CCDC32: variants seen among roughly 807,000 people sequenced by gnomAD.
CCDC32 encodes the protein coiled-coil domain containing 32, also known as coiled-coil domain-containing protein 32.
A neutral mutation model predicts 20.1 loss-of-function variants in CCDC32; 9 were observed. That is an observed-to-expected ratio of 0.45 (90% CI 0.27 to 0.78). The LOEUF (loss-of-function observed/expected upper bound fraction) is 0.78. CCDC32 is among the 30% of genes least tolerant of loss of function. CCDC32 has a pLI of 0.16. For synonymous variants in CCDC32, 63 were observed against 79.0 expected (o/e 0.80, Z 1.07); for missense variants, 204 against 215.5 (o/e 0.95, Z 0.33).
chr15:40,539,655 C>G (rs1001500058), intron 3 of CCDC32, among the ~76,000 whole-genome samples: 1 of 152,180 alleles, frequency 6.6e-6, no homozygotes, highest in Non-Finnish European at 1.5e-5. Context: ...GCAGTCAGCT[C>G]TCCGCTGCCC....
chr15:40,559,534 G>A (rs979510206), intron 2 of CCDC32, among the ~76,000 whole-genome samples: 2 of 152,068 alleles, frequency 1.3e-5, no homozygotes, highest in Non-Finnish European at 1.5e-5. Context: ...TCATCCCCTA[G>A]GCCATGGCTG....
At chr15:40,536,664 C>T (rs1317334393), downstream of CCDC32, 1 of 152,290 alleles carries the variant, frequency 6.6e-6, no homozygotes, top group Admixed American at 6.5e-5. Flanking sequence ...GAGTCTCGGA[C>T]CTTCTCTGGC....
At position 40,554,131 on chromosome 15, in the gene CCDC32, T is replaced by A. The variant is rs1180500214; in HGVS notation, c.402-4A>T. 1.2e-6 allele frequency: 2 copies of A among 1,611,948 alleles called. No homozygotes were observed. Among genetic ancestry groups the A allele is most frequent in the South Asian group, 2.2e-5 (2 of 91,018 alleles). The stretch of plus-strand genomic sequence containing the variant: ...CCTCTTGAAATGTTCCAAGGTGCTA[T>A]GAAAGGGCAGAATAAAAGGGTGGCT... On this transcript the variant is annotated splice_region_variant and splice_polypyrimidine_tract_variant and intron_variant, in intron 3 of 3. Coordinates refer to ENST00000416810, the MANE Select transcript of CCDC32 (RefSeq NM_001080792.4).
At chr15:40,545,686 A>C (rs1889589998) in intron 3 of CCDC32, among the ~76,000 whole-genome samples, 1 of 152,144 alleles carries the variant, frequency 6.6e-6, no homozygotes, top group Non-Finnish European at 1.5e-5. Flanking sequence ...CAGAGAGCAC[A>C]GGCACTGGAG....
Position 40,542,692 on chromosome 15 carries a change from C to T in CCDC32, c.402-3337G>A, listed in dbSNP as rs367727667. ...GACCATCCTGGCTAATACGGTGAAA[C>T]CCCGTCTCTACTAAAAAATACAAAA... is the stretch of plus-strand genomic sequence containing the variant. On this transcript the variant is annotated intron_variant, in intron 3 of 3. Coordinates refer to the CCDC32 transcript ENST00000558113. Among the ~76,000 whole-genome samples the T allele has an allele frequency of 1.9e-4, 29 of 151,610 alleles. No individual in the cohort carries two copies. In the East Asian group the frequency reaches 2.9e-3, roughly 15 times the overall value.
downstream of CCDC32, chr15:40,535,659 T>C (rs1889078741): frequency 1.0e-6 from 1 of 984,910 alleles, no homozygotes; most frequent in Admixed American, 6.2e-5. Context: ...CACACCAGGC[T>C]CCTTGCTAAG....
intron 3 of CCDC32, among the ~76,000 whole-genome samples, chr15:40,544,732 AT>A (rs5812165): frequency 0.51 from 76,347 of 150,316 alleles, 20,495 homozygotes; most frequent in East Asian, 0.75. Context: ...TCCGGCTTGG[AT>A]TTTTTTTTTT....
chr15:40,552,049 C>CA (rs1263509373), downstream of CCDC32, among the ~76,000 whole-genome samples: 5 of 151,834 alleles, frequency 3.3e-5, no homozygotes, highest in Non-Finnish European at 5.9e-5. Context: ...CCCAGCTACT[C>CA]AGGGGAAGCT....
intron 1 of CCDC32, among the ~76,000 whole-genome samples, chr15:40,563,311 G>C (rs970159962): frequency 3.9e-5 from 6 of 152,110 alleles, no homozygotes; most frequent in Admixed American, 1.3e-4. Flanking sequence ...TGCAGTGAGT[G>C]GTGATCACGC....
At chr15:40,551,158 G>A (rs189183437), downstream of CCDC32, among the ~76,000 whole-genome samples, 2,060 of 152,200 alleles carry the variant, frequency 0.014, 50 homozygotes, top group African/African-American at 0.047. Flanking sequence ...CGAGGCGGGC[G>A]GATCATGAGG....
At chr15:40,529,201 A>T (rs906333901) in intron 3 of CCDC32, among the ~76,000 whole-genome samples, 1 of 152,242 alleles carries the variant, frequency 6.6e-6, no homozygotes, top group Non-Finnish European at 1.5e-5. Context: ...GAAGCTTAAC[A>T]CATGGCAGCA....
At chr15:40,535,807 C>T (rs139009249), downstream of CCDC32, 818 of 277,242 alleles carry the variant, frequency 3.0e-3, 7 homozygotes, top group African/African-American at 0.017. Context: ...GCTCTGCACA[C>T]ACTAGTGAGA....
Position 40,553,773 on chromosome 15 carries a change from G to GGTAAGTC in CCDC32, c.*191_*197dup. 7.2e-7 allele frequency: 1 copy of GGTAAGTC among 1,380,318 alleles called. No homozygotes were observed. The highest frequency in any genetic ancestry group is 1.7e-5 in the South Asian group (1 of 57,732). The allele number at this position is 1,380,318 out of a possible 1,614,324, so 85.5% of individuals were successfully genotyped here. A position where few individuals can be genotyped will look rare whatever the true frequency, so the allele number is the denominator to read the frequency against. ...GAGACAGTCACACATGCCAGCCCCA[G>GGTAAGTC]GTAAGTCCCTGGGGGCTTGCAGCTG... On this transcript the variant is annotated 3_prime_UTR_variant, in exon 4 of 4. Coordinates refer to ENST00000416810, the MANE Select transcript of CCDC32 (RefSeq NM_001080792.4).
At chr15:40,545,148 G>A (rs974301856) in intron 3 of CCDC32, among the ~76,000 whole-genome samples, 2 of 152,134 alleles carry the variant, frequency 1.3e-5, no homozygotes, top group Non-Finnish European at 1.5e-5. Flanking sequence ...TGTACACTCC[G>A]CATCCTGTCT....
chr15:40,528,916 C>T (rs1243819824), intron 3 of CCDC32: 4 of 621,440 alleles, frequency 6.4e-6, no homozygotes, highest in Non-Finnish European at 1.1e-5. Flanking sequence ...CTGGCTCCAG[C>T]ACGTGCTGAG....
chr15:40,543,011 C>G (rs1241378010), intron 3 of CCDC32, among the ~76,000 whole-genome samples: 1 of 149,212 alleles, frequency 6.7e-6, no homozygotes, highest in Non-Finnish European at 1.5e-5. Context: ...AAAAATTAGC[C>G]AGGGGTATAG....
At chr15:40,560,513 A>G (rs1044734841) in intron 2 of CCDC32, among the ~76,000 whole-genome samples, 9 of 152,238 alleles carry the variant, frequency 5.9e-5, no homozygotes, top group African/African-American at 1.9e-4. Flanking sequence ...GCTCAAACAA[A>G]TCAGAAAGAA....
chr15:40,559,136 G>A (rs1458524876), intron 2 of CCDC32, among the ~76,000 whole-genome samples: 2 of 152,108 alleles, frequency 1.3e-5, no homozygotes, highest in African/African-American at 2.4e-5. Flanking sequence ...ACCCAGGCTG[G>A]AGTGCAGTGG....
chr15:40,524,678 G>A (rs1395884284), downstream of CCDC32, among the ~76,000 whole-genome samples: 1 of 151,200 alleles, frequency 6.6e-6, no homozygotes, highest in Non-Finnish European at 1.5e-5. Context: ...TGTCTTCATT[G>A]GGGTGGTGGT....
Sources: gnomAD v4.1 joint callset for allele counts (sites outside exome capture counted in the v4.1 genomes callset) on GRCh38, gnomAD v4.1.1 for gene constraint, MANE v1.5 for transcripts, NCBI Gene and HGNC (gene_info 2026-07-23, HGNC 2026-07-21) for gene names.